The following COL5A1 variants were observed in gnomAD, a reference collection of about 807,000 sequenced individuals.
COL5A1 encodes collagen alpha-1(V) chain.
Under a neutral mutation model 263.7 loss-of-function variants are expected in COL5A1, and 16 were observed. The ratio of observed to expected loss-of-function variants is 0.06; its 90% CI spans 0.04 to 0.09. The LOEUF is 0.09. COL5A1 is among the 10% of genes least tolerant of loss of function. The probability of loss-of-function intolerance (pLI) is 1.00; values close to 1 mark genes in which losing one functional copy is unlikely to be tolerated. For synonymous variants in COL5A1, 1,012 were observed against 1,004.5 expected (o/e 1.01, Z -0.14); for missense variants, 2,036 against 2,540.5 (o/e 0.80, Z 4.27).
intron 48 of COL5A1, 80 bp downstream of exon 48, chr9:134,812,792 GTGTA>G (rs1838586359): frequency 2.1e-6 from 2 of 973,098 alleles, no homozygotes; most frequent in Non-Finnish European, 3.2e-6. Context: ...GTGTGTCTGT[GTGTA>G]TGTGTATGTG....
intron 4 of COL5A1, among the ~76,000 whole-genome samples, chr9:134,722,730 T>C (rs997329361): frequency 3.9e-5 from 6 of 152,208 alleles, no homozygotes; most frequent in African/African-American, 1.4e-4. Flanking sequence ...AATAAAAGTG[T>C]GTGGTTTTGA....
intron 18 of COL5A1, among the ~76,000 whole-genome samples, chr9:134,759,336 GCA>G (rs112901588): frequency 0.15 from 13,189 of 88,678 alleles, 1,614 homozygotes; most frequent in African/African-American, 0.32. Context: ...ATGCACACAA[GCA>G]CACACACACA....
chr9:134,825,200 G>T (rs1017628083), intron 62 of COL5A1, among the ~76,000 whole-genome samples: 4 of 152,212 alleles, frequency 2.6e-5, no homozygotes, highest in African/African-American at 9.6e-5. Flanking sequence ...AGAGTTGCGT[G>T]AGGCAGTGCC....
At chr9:134,712,040 T>TG (rs149467230) in intron 4 of COL5A1, among the ~76,000 whole-genome samples, 45 of 12,470 alleles carry the variant, frequency 3.6e-3, no homozygotes, top group Admixed American at 0.013. Context: ...CCCTTCTTCC[T>TG]GCCCCCTTCT....
intron 1 of COL5A1, among the ~76,000 whole-genome samples, chr9:134,656,110 G>A (rs1831962382): frequency 1.3e-5 from 2 of 152,174 alleles, no homozygotes; most frequent in South Asian, 4.1e-4. Context: ...GACCCTCACA[G>A]TGGACAGGTG....
At chr9:134,839,441 G>C (rs1375149380) in intron 65 of COL5A1, among the ~76,000 whole-genome samples, 1 of 152,222 alleles carries the variant, frequency 6.6e-6, no homozygotes, top group South Asian at 2.1e-4. Flanking sequence ...AATGCTGCCC[G>C]TCCCTCTGGG....
intron 9 of COL5A1, 21 bp from the exon 10 acceptor site, chr9:134,738,453 G>T: frequency 6.2e-7 from 1 of 1,613,878 alleles, no homozygotes. Flanking sequence ...GGTCTCAGAC[G>T]CCCTCTCTCT....
chr9:134,656,733 C>G (rs1164442418), intron 1 of COL5A1, among the ~76,000 whole-genome samples: 1 of 151,498 alleles, frequency 6.6e-6, no homozygotes, highest in Non-Finnish European at 1.5e-5. Context: ...GCTGTTAATA[C>G]GGAGGTTGGG....
intron 19 of COL5A1, among the ~76,000 whole-genome samples, chr9:134,762,822 GGA>G (rs35719154): frequency 6.6e-6 from 1 of 152,102 alleles, no homozygotes; most frequent in Non-Finnish European, 1.5e-5. Context: ...AGATGAGGAA[GGA>G]GAGAGGGACC....
chr9:134,777,484 G>T (rs1048188834), intron 27 of COL5A1, among the ~76,000 whole-genome samples: 1 of 152,248 alleles, frequency 6.6e-6, no homozygotes, highest in African/African-American at 2.4e-5. Flanking sequence ...TGGCCAAGAA[G>T]CCCTGGGAAG....
At chr9:134,731,783 C>G (rs1452413024) in intron 8 of COL5A1, 120 bp downstream of exon 8, 21 of 1,145,446 alleles carry the variant, frequency 1.8e-5, no homozygotes, top group Non-Finnish European at 1.2e-6. Flanking sequence ...GTGTTACACC[C>G]TATTCCCAAA....
chr9:134,812,299 C>G (rs562208373), intron 46 of COL5A1, 150 bp from the exon 47 acceptor site: 1 of 747,844 alleles, frequency 1.3e-6, no homozygotes, highest in Admixed American at 2.0e-5. Flanking sequence ...AACCCCGGGA[C>G]GTCCTCGTGG....
Position 134,818,951 on chromosome 9 carries a change from C to T in COL5A1, c.4393-49C>T, listed in dbSNP as rs1838881891. On this transcript the variant is annotated intron_variant, in intron 56 of 65. Transcript: ENST00000371817. The surrounding 1 kb of genome is among the most constrained non-coding windows in gnomAD (Gnocchi z 6.0). Reference sequence around the variant, plus strand: ...CATAGCGGGTGGGATGACTTCGCCACCCAAAGCCCCAAGGATGAGGACTCT... The same window carrying T: ...CATAGCGGGTGGGATGACTTCGCCATCCAAAGCCCCAAGGATGAGGACTCT... 1.2e-6 allele frequency: 2 copies of T among 1,612,994 alleles called. No homozygotes were observed.
chr9:134,792,253 G>C (rs904559210), intron 32 of COL5A1, among the ~76,000 whole-genome samples: 1 of 152,232 alleles, frequency 6.6e-6, no homozygotes, highest in Non-Finnish European at 1.5e-5. Flanking sequence ...AGGGGGAATG[G>C]CACTGAAGAT....
intron 4 of COL5A1, among the ~76,000 whole-genome samples, chr9:134,719,836 CT>C (rs1834392584): frequency 6.6e-6 from 1 of 152,186 alleles, no homozygotes; most frequent in African/African-American, 2.4e-5. Context: ...ACCTATTGCC[CT>C]GCTCAGGGAT....
chr9:134,730,107 C>T, intron 6 of COL5A1, 129 bp from the exon 7 acceptor site: 2 of 1,389,244 alleles, frequency 1.4e-6, no homozygotes, highest in South Asian at 2.3e-5. Context: ...GGTCTCTGGG[C>T]CTCTTGACAG....
intron 58 of COL5A1, among the ~76,000 whole-genome samples, chr9:134,820,913 T>C (rs1309517962): frequency 1.3e-5 from 2 of 151,996 alleles, no homozygotes; most frequent in Non-Finnish European, 2.9e-5. Flanking sequence ...ACACGCACAG[T>C]ATGCTGTGCC....
intron 63 of COL5A1, among the ~76,000 whole-genome samples, chr9:134,829,073 C>T (rs1224614503): frequency 2.6e-5 from 4 of 152,222 alleles, no homozygotes; most frequent in Admixed American, 2.6e-4. Context: ...ATGCCCCACC[C>T]CTCGCCTGCA....
At chr9:134,708,442 T>C (rs1315074435) in intron 4 of COL5A1, 2 of 418,786 alleles carry the variant, frequency 4.8e-6, no homozygotes, top group South Asian at 3.6e-5. Flanking sequence ...CTGGTGCACC[T>C]GCACTGACAC....
Sources: allele counts gnomAD v4.1 joint callset (sites outside exome capture counted in the v4.1 genomes callset), GRCh38; gene constraint gnomAD v4.1.1; non-coding constraint Gnocchi (gnomAD v3.1); transcripts MANE v1.5; gene names NCBI Gene and HGNC (gene_info 2026-07-23, HGNC 2026-07-21).